The following MAP2K5 variants were observed in gnomAD, a reference collection of about 807,000 sequenced individuals.
MAP2K5 encodes mitogen-activated protein kinase kinase 5.
In MAP2K5, 49 loss-of-function variants were observed where a neutral mutation model predicts 83.1. The observed-to-expected ratio is 0.59, with a 90% CI of 0.47 to 0.75. The LOEUF is 0.75. Among genes scored for constraint, MAP2K5 ranks in the 30% least tolerant of loss-of-function variants. The pLI is 0.00. For missense variants in MAP2K5, 457 were observed against 557.5 expected (o/e 0.82, Z 1.82); for synonymous variants, 202 against 191.8 (o/e 1.05, Z -0.44).
At chr15:67,674,068 C>T (rs1002092366) in intron 13 of MAP2K5, among the ~76,000 whole-genome samples, 5 of 152,104 alleles carry the variant, frequency 3.3e-5, no homozygotes, top group African/African-American at 1.2e-4. Flanking sequence ...AGGCTGGTCT[C>T]GATCTCCTGA....
intron 8 of MAP2K5, among the ~76,000 whole-genome samples, chr15:67,627,122 A>G (rs1596676394): frequency 6.6e-6 from 1 of 151,544 alleles, no homozygotes; most frequent in South Asian, 2.1e-4. Context: ...TAATTATTTT[A>G]TTTTTTTTAA....
At chr15:67,800,386 A>G (rs1676413002) in intron 21 of MAP2K5, among the ~76,000 whole-genome samples, 1 of 152,132 alleles carries the variant, frequency 6.6e-6, no homozygotes, top group African/African-American at 2.4e-5. Flanking sequence ...GACTTAAAGG[A>G]CAAAAAATTC....
chr15:67,578,798 G>T (rs1018687197), intron 3 of MAP2K5, among the ~76,000 whole-genome samples: 14 of 151,998 alleles, frequency 9.2e-5, no homozygotes, highest in African/African-American at 3.4e-4. Flanking sequence ...TGGAAAACAG[G>T]TCAATTTCAT....
intron 3 of MAP2K5, among the ~76,000 whole-genome samples, chr15:67,578,429 C>T (rs1375701369): frequency 6.6e-6 from 1 of 152,184 alleles, no homozygotes; most frequent in African/African-American, 2.4e-5. Flanking sequence ...GATTACCTCC[C>T]TTTACAGCAT....
chr15:67,756,513 TAC>T (rs2089837295), intron 19 of MAP2K5, among the ~76,000 whole-genome samples: 3 of 98,530 alleles, frequency 3.0e-5, no homozygotes, highest in African/African-American at 4.0e-5. Flanking sequence ...CACACACAGT[TAC>T]TGTGTGTGTG....
intron 2 of MAP2K5, among the ~76,000 whole-genome samples, chr15:67,553,202 A>G (rs1279043475): frequency 6.6e-6 from 1 of 152,196 alleles, no homozygotes; most frequent in Non-Finnish European, 1.5e-5. Flanking sequence ...TAGAGGCCTG[A>G]AATGATTGCT....
At chr15:67,735,107 C>G (rs1339115937) in intron 17 of MAP2K5, among the ~76,000 whole-genome samples, 3 of 152,184 alleles carry the variant, frequency 2.0e-5, no homozygotes, top group Non-Finnish European at 4.4e-5. Context: ...TTTGCTTCTT[C>G]CTAGGAATTT....
chr15:67,806,819 C>T lies in MAP2K5; in HGVS notation c.*69C>T, dbSNP rs563455191. The T allele has an allele frequency of 3.1e-5, 49 of 1,598,054 alleles. No individual in the cohort carries two copies. Among genetic ancestry groups the T allele is most frequent in the South Asian group, 2.8e-4 (25 of 90,654 alleles). On this transcript the variant is annotated 3_prime_UTR_variant, in exon 22 of 22. Coordinates refer to ENST00000178640, the MANE Select transcript of MAP2K5 (RefSeq NM_145160.3). ...GAACAACCCACCCGTCGCCCTTCTC[C>T]GTATGCTGCCTGCGCCAGAAGAGCT... is the stretch of plus-strand genomic sequence containing the variant.
At chr15:67,571,694 G>GT (rs1014574048) in intron 3 of MAP2K5, among the ~76,000 whole-genome samples, 3 of 151,902 alleles carry the variant, frequency 2.0e-5, no homozygotes, top group Non-Finnish European at 4.4e-5. Flanking sequence ...AGCAAGGCAG[G>GT]TTTTTTCCCC....
At chr15:67,570,148 A>G (rs1183186650) in intron 3 of MAP2K5, among the ~76,000 whole-genome samples, 2 of 152,236 alleles carry the variant, frequency 1.3e-5, no homozygotes, top group African/African-American at 2.4e-5. Context: ...AACATAGCCA[A>G]TTTGAATTTC....
chr15:67,660,821 G>A (rs1260090707), intron 12 of MAP2K5, among the ~76,000 whole-genome samples: 1 of 151,090 alleles, frequency 6.6e-6, no homozygotes, highest in Non-Finnish European at 1.5e-5. Flanking sequence ...ACACAGGGCT[G>A]TCTGACACCA....
At chr15:67,623,898 C>G (rs2086248045) in intron 8 of MAP2K5, among the ~76,000 whole-genome samples, 1 of 151,512 alleles carries the variant, frequency 6.6e-6, no homozygotes, top group Non-Finnish European at 1.5e-5. Flanking sequence ...CCCCCGGCTA[C>G]TTCCTACCTT....
intron 3 of MAP2K5, among the ~76,000 whole-genome samples, chr15:67,571,007 C>T (rs1248703262): frequency 6.6e-6 from 1 of 152,194 alleles, no homozygotes; most frequent in Non-Finnish European, 1.5e-5. Flanking sequence ...CCTGGTATCT[C>T]CTCTGTACGT....
At chr15:67,641,038 A>G (rs545284265) in intron 9 of MAP2K5, among the ~76,000 whole-genome samples, 14 of 152,240 alleles carry the variant, frequency 9.2e-5, no homozygotes, top group Admixed American at 3.9e-4. Flanking sequence ...TAAGTAGAGC[A>G]GAAAACAAAT....
In MAP2K5 at chr15:67,641,898, A is replaced by G. The variant is rs191618358; in HGVS notation, c.586-4333A>G. Among the ~76,000 whole-genome samples, 102 of 152,356 alleles carry G rather than the reference A, an allele frequency of 6.7e-4. 2 individuals carry two copies. In the East Asian group the frequency reaches 7.5e-3, roughly 11 times the overall value. ...TTAAAGCTCACTCACAAGAATACAC[A>G]GGGGAAGGAGAATTAACCTTCCACC... is the stretch of plus-strand genomic sequence containing the variant. On this transcript the variant is annotated intron_variant, in intron 9 of 21. Transcript: ENST00000178640.
At chr15:67,745,175 T>C (rs2089577102) in intron 17 of MAP2K5, among the ~76,000 whole-genome samples, 1 of 152,170 alleles carries the variant, frequency 6.6e-6, no homozygotes, top group African/African-American at 2.4e-5. Flanking sequence ...TAGAAAACAC[T>C]CAACACACGC....
chr15:67,727,258 G>C (rs558943412), intron 16 of MAP2K5, among the ~76,000 whole-genome samples: 1 of 152,248 alleles, frequency 6.6e-6, no homozygotes, highest in South Asian at 2.1e-4. Flanking sequence ...GGATCATTTT[G>C]TTTTTACAGG....
At chr15:67,592,845 A>C (rs2141014202) in intron 6 of MAP2K5, 81 bp from the exon 7 acceptor site, 1 of 932,236 alleles carries the variant, frequency 1.1e-6, no homozygotes, top group East Asian at 2.4e-5. Context: ...GTAAAAGCAA[A>C]GGTGTATTTC....
At chr15:67,649,571 C>T (rs1003389555) in intron 11 of MAP2K5, among the ~76,000 whole-genome samples, 2 of 152,018 alleles carry the variant, frequency 1.3e-5, no homozygotes, top group African/African-American at 2.4e-5. Context: ...GTTCCAGTAC[C>T]GTTTGTTAAA....
Sources: gnomAD v4.1 joint callset for allele counts (sites outside exome capture counted in the v4.1 genomes callset) on GRCh38, gnomAD v4.1.1 for gene constraint, MANE v1.5 for transcripts, NCBI Gene and HGNC (gene_info 2026-07-23, HGNC 2026-07-21) for gene names.